The following GNAT3 variants were observed in gnomAD, a reference collection of about 807,000 sequenced individuals.
The protein encoded by GNAT3 is G protein subunit alpha transducin 3.
Under a neutral mutation model 37.7 loss-of-function variants are expected in GNAT3, and 31 were observed. That is an observed-to-expected ratio of 0.82 (90% CI 0.62 to 1.11). The LOEUF (loss-of-function observed/expected upper bound fraction) is 1.11, where lower values mean the gene tolerates loss of function less well. Among genes scored for constraint, GNAT3 ranks in the 50% most tolerant of loss-of-function variants. GNAT3 has a pLI of 0.00. For synonymous variants in GNAT3, 138 were observed against 139.8 expected (o/e 0.99, Z 0.09); for missense variants, 437 against 412.5 (o/e 1.06, Z -0.51).
intron 1 of GNAT3, among the ~76,000 whole-genome samples, chr7:80,511,220 T>C (rs1192226178): frequency 6.6e-6 from 1 of 152,120 alleles, no homozygotes; most frequent in Non-Finnish European, 1.5e-5. Context: ...TGAATGAATA[T>C]ATAAATGCTC....
chr7:80,462,011 A>T, intron 7 of GNAT3, 148 bp downstream of exon 7: 1 of 603,702 alleles, frequency 1.7e-6, no homozygotes, highest in Non-Finnish European at 2.8e-6. Context: ...CTTTATTTGT[A>T]AGATTTTTTT....
intron 1 of GNAT3, among the ~76,000 whole-genome samples, chr7:80,505,912 T>A (rs1790931144): frequency 6.6e-6 from 1 of 152,240 alleles, no homozygotes; most frequent in African/African-American, 2.4e-5. Flanking sequence ...GAAAAATTAT[T>A]GAAAGCAATG....
chr7:80,467,114 C>T (rs537537456), intron 5 of GNAT3, among the ~76,000 whole-genome samples: 2 of 152,124 alleles, frequency 1.3e-5, no homozygotes, highest in Non-Finnish European at 2.9e-5. Flanking sequence ...ATAGAACTCA[C>T]GTACTATGAC....
chr7:80,502,718 AC>A (rs758266789), intron 1 of GNAT3, among the ~76,000 whole-genome samples: 17 of 151,900 alleles, frequency 1.1e-4, no homozygotes, highest in Non-Finnish European at 2.1e-4. Flanking sequence ...AAAAAAAAAA[AC>A]ATAGGTTTGA....
At chr7:80,494,065 A>G (rs924439399) in intron 2 of GNAT3, among the ~76,000 whole-genome samples, 2 of 152,144 alleles carry the variant, frequency 1.3e-5, no homozygotes, top group African/African-American at 4.8e-5. Flanking sequence ...TTACTTATCA[A>G]TTACCTTTTT....
At chr7:80,469,459 C>T (rs974068649) in intron 5 of GNAT3, among the ~76,000 whole-genome samples, 1 of 152,112 alleles carries the variant, frequency 6.6e-6, no homozygotes, top group African/African-American at 2.4e-5. Context: ...TTTCCACTTA[C>T]ATAGTACATT....
chr7:80,495,811 G>C lies in GNAT3; in HGVS notation c.119-1164C>G, dbSNP rs77150580. Among the ~76,000 whole-genome samples, 1,366 of 152,182 alleles carry C rather than the reference G, an allele frequency of 9.0e-3. 17 individuals are homozygous for C. Among genetic ancestry groups the C allele is most frequent in the African/African-American group, 0.031 (1,301 of 41,532 alleles). On this transcript the variant is annotated intron_variant, in intron 1 of 7. Coordinates refer to ENST00000398291, the MANE Select transcript of GNAT3 (RefSeq NM_001102386.3). Reference sequence around the variant, plus strand: ...CATTTCTCTGACAATTAGTTGTAGTGAACATTTTCTTACATGATTGTTAGC... The same window carrying C: ...CATTTCTCTGACAATTAGTTGTAGTCAACATTTTCTTACATGATTGTTAGC...
intron 2 of GNAT3, among the ~76,000 whole-genome samples, chr7:80,493,861 TCCTCCTCTTTCCTC>T (rs1184392772): frequency 5.5e-5 from 8 of 145,172 alleles, no homozygotes; most frequent in African/African-American, 2.0e-4. Flanking sequence ...TCTTTCCTCC[TCCTCCTCTTTCCTC>T]CTCCTCCTCT....
chr7:80,465,410 T>G (rs1438299006), intron 5 of GNAT3, among the ~76,000 whole-genome samples: 1 of 152,126 alleles, frequency 6.6e-6, no homozygotes, highest in Non-Finnish European at 1.5e-5. Flanking sequence ...CATTTAAACC[T>G]CTTCAGGAAC....
chr7:80,499,115 T>C (rs1324151577), intron 1 of GNAT3, among the ~76,000 whole-genome samples: 5 of 152,032 alleles, frequency 3.3e-5, no homozygotes, highest in African/African-American at 7.2e-5. Context: ...ATCACATAAT[T>C]GTATAGTAGA....
At position 80,478,897 on chromosome 7, in the gene GNAT3, TCCTG is replaced by T. The variant is rs1435514732; in HGVS notation, c.401_404del (p.Pro134GlnfsTer25). The T allele has an allele frequency of 6.2e-7, 1 of 1,613,316 alleles. No homozygotes were observed. Among genetic ancestry groups the T allele is most frequent in the Non-Finnish European group, 8.5e-7 (1 of 1,179,544 alleles). On this transcript the variant is annotated frameshift_variant, in exon 4 of 8. Coordinates refer to ENST00000398291, the MANE Select transcript of GNAT3 (RefSeq NM_001102386.3). LOFTEE classifies it high-confidence loss of function. The stretch of plus-strand genomic sequence containing the variant: ...ATGCCCTTTCAAAGCAGGCCTGAAT[TCCTG>T]GATCTCTCCACAGCCGTTTTATTAC...
rs150102114 is a variant in GNAT3 at position 80,470,968 on chromosome 7, C to T, written c.590+3283G>A. 2.3e-3 allele frequency among the ~76,000 whole-genome samples: 350 copies of T among 150,166 alleles called. 8 individuals are homozygous for T. The East Asian group carries it at 0.055, about 24-fold the overall frequency. On this transcript the variant is annotated intron_variant, in intron 5 of 7. Coordinates refer to ENST00000398291, the MANE Select transcript of GNAT3 (RefSeq NM_001102386.3). The stretch of plus-strand genomic sequence containing the variant: ...GGAGATGAACATTTGAGTCAGTGGG[C>T]TGGGAAAGGCAGACCCACCCTTAAT...
chr7:80,505,246 C>A (rs1790911959), intron 1 of GNAT3, among the ~76,000 whole-genome samples: 1 of 152,094 alleles, frequency 6.6e-6, no homozygotes, highest in African/African-American at 2.4e-5. Flanking sequence ...AGGAACACAG[C>A]TGAAATGACT....
chr7:80,510,559 T>C (rs1562738264), intron 1 of GNAT3, among the ~76,000 whole-genome samples: 2 of 152,182 alleles, frequency 1.3e-5, no homozygotes, highest in Non-Finnish European at 2.9e-5. Context: ...GCTCAGAAAC[T>C]AACAGAATTC....
chr7:80,502,812 A>G (rs963184477), intron 1 of GNAT3, among the ~76,000 whole-genome samples: 10 of 152,034 alleles, frequency 6.6e-5, no homozygotes, highest in Non-Finnish European at 1.3e-4. Flanking sequence ...AACATAATCA[A>G]CCATAACCAA....
intron 3 of GNAT3, among the ~76,000 whole-genome samples, chr7:80,480,828 G>A (rs1013793165): frequency 2.0e-5 from 3 of 152,076 alleles, no homozygotes; most frequent in African/African-American, 7.2e-5. Context: ...TTATCAGCAA[G>A]GTCGTTATGA....
At chr7:80,496,011 C>A (rs1043997490) in intron 1 of GNAT3, among the ~76,000 whole-genome samples, 1 of 152,058 alleles carries the variant, frequency 6.6e-6, no homozygotes, top group Admixed American at 6.6e-5. Context: ...CGTCTGTTTA[C>A]TCTGTTGATT....
intron 3 of GNAT3, among the ~76,000 whole-genome samples, chr7:80,481,372 A>AG (rs1277854296): frequency 1.3e-5 from 2 of 152,116 alleles, no homozygotes; most frequent in African/African-American, 4.8e-5. Flanking sequence ...TGTGATAGGA[A>AG]GGGTGGGGTC....
chr7:80,488,849 T>C (rs1790537461), intron 2 of GNAT3, among the ~76,000 whole-genome samples, 173 bp from the exon 3 acceptor site: 2 of 152,134 alleles, frequency 1.3e-5, no homozygotes, highest in Non-Finnish European at 2.9e-5. Flanking sequence ...TTTATTATCA[T>C]TGTCATTTAT....
Sources: allele counts gnomAD v4.1 joint callset (sites outside exome capture counted in the v4.1 genomes callset), GRCh38; gene constraint gnomAD v4.1.1; transcripts MANE v1.5; gene names NCBI Gene and HGNC (gene_info 2026-07-23, HGNC 2026-07-21).